Variants in COMMD10 observed in about 807,000 individuals in gnomAD.
The protein encoded by COMMD10 is COMM domain-containing protein 10.
In COMMD10, 33 loss-of-function variants were observed where a neutral mutation model predicts 28.9. That is an observed-to-expected ratio of 1.14 (90% CI 0.87 to 1.53). The LOEUF is 1.53. COMMD10 is among the 40% of genes most tolerant of loss of function. The probability of loss-of-function intolerance (pLI) is 0.00; values close to 1 mark genes in which losing one functional copy is unlikely to be tolerated. For synonymous variants in COMMD10, 110 were observed against 81.7 expected (o/e 1.35, Z -1.87); for missense variants, 310 against 233.4 (o/e 1.33, Z -2.14).
At chr5:116,216,931 T>G (rs1427688103) in intron 5 of COMMD10, among the ~76,000 whole-genome samples, 1 of 152,168 alleles carries the variant, frequency 6.6e-6, no homozygotes, top group Admixed American at 6.5e-5. Context: ...GTTATTACAC[T>G]GTATTTTTAG....
In COMMD10 at chr5:116,085,341, A is replaced by G. The variant is rs141521958; in HGVS notation, c.41+248A>G. On this transcript the variant is annotated intron_variant, in intron 1 of 6. Transcript: ENST00000274458. ...CGCCTGGCAGCTGAGGTCTGTACGG[A>G]AGCGTGTGGTCTGCAAGCGTGGGGT... 7.4e-4 allele frequency: 372 copies of G among 505,398 alleles called. 2 individuals carry two copies. The highest frequency in any genetic ancestry group is 6.8e-3 in the African/African-American group (337 of 49,392). The allele number at this position is 505,398 out of a possible 1,614,324, so 31.3% of individuals were successfully genotyped here. A position where few individuals can be genotyped will look rare whatever the true frequency, so the allele number is the denominator to read the frequency against.
At chr5:116,255,021 C>T (rs1270224643) in intron 5 of COMMD10, among the ~76,000 whole-genome samples, 1 of 151,562 alleles carries the variant, frequency 6.6e-6, no homozygotes, top group Non-Finnish European at 1.5e-5. Flanking sequence ...GTTAGCTCTT[C>T]TTGTTGAATT....
rs529555863 is a variant in COMMD10 at position 116,126,277 on chromosome 5, A to C, written c.400-7791A>C. ...CCACTGCTCAACGAAATGAAAGAGG[A>C]CACAAACAAATGGAAGAACATTCCA... is the stretch of plus-strand genomic sequence containing the variant. On this transcript the variant is annotated intron_variant, in intron 4 of 6. Transcript: ENST00000274458. Among the ~76,000 whole-genome samples, 5 of 152,340 alleles carry C rather than the reference A, an allele frequency of 3.3e-5. No homozygotes were observed. In the East Asian group the frequency reaches 9.6e-4, roughly 29 times the overall value.
At chr5:116,145,583 G>A (rs1321022702) in intron 5 of COMMD10, among the ~76,000 whole-genome samples, 1 of 151,704 alleles carries the variant, frequency 6.6e-6, no homozygotes, top group Non-Finnish European at 1.5e-5. Flanking sequence ...AAATATGCTG[G>A]AACCTAGCCA....
chr5:116,224,838 A>T (rs1419402128), intron 5 of COMMD10, among the ~76,000 whole-genome samples: 1 of 152,188 alleles, frequency 6.6e-6, no homozygotes, highest in Admixed American at 6.5e-5. Flanking sequence ...TTTTATTTTG[A>T]CTTTAAATGC....
chr5:116,167,998 G>A (rs1029577759), intron 5 of COMMD10, among the ~76,000 whole-genome samples: 11 of 151,842 alleles, frequency 7.2e-5, no homozygotes, highest in African/African-American at 2.7e-4. Flanking sequence ...AAACTTAAAT[G>A]TAAATGGACT....
intron 5 of COMMD10, among the ~76,000 whole-genome samples, chr5:116,164,827 T>A (rs1009285903): frequency 6.6e-6 from 1 of 152,152 alleles, no homozygotes; most frequent in Non-Finnish European, 1.5e-5. Context: ...AAATATGATA[T>A]TTTATGTACT....
intron 5 of COMMD10, among the ~76,000 whole-genome samples, chr5:116,259,407 T>C (rs955309243): frequency 4.0e-5 from 6 of 151,786 alleles, no homozygotes; most frequent in Non-Finnish European, 5.9e-5. Flanking sequence ...TGCTATCTTT[T>C]CAAATCTCAC....
At chr5:116,223,671 G>A (rs1223944589) in intron 5 of COMMD10, among the ~76,000 whole-genome samples, 1 of 152,148 alleles carries the variant, frequency 6.6e-6, no homozygotes, top group East Asian at 1.9e-4. Flanking sequence ...AAGGGGTTTG[G>A]AGAGAATGTT....
At chr5:116,218,197 A>G (rs1749154121) in intron 5 of COMMD10, 4 of 780,792 alleles carry the variant, frequency 5.1e-6, no homozygotes, top group South Asian at 2.7e-5. Context: ...GCTTTGGAGA[A>G]GCAGGTTTAG....
chr5:116,241,531 G>A (rs1350470165), intron 5 of COMMD10, among the ~76,000 whole-genome samples: 1 of 151,894 alleles, frequency 6.6e-6, no homozygotes, highest in Admixed American at 6.6e-5. Context: ...TAAAATACAA[G>A]CTGTCTAGTT....
At chr5:116,150,533 T>C (rs1752490403) in intron 5 of COMMD10, among the ~76,000 whole-genome samples, 1 of 145,112 alleles carries the variant, frequency 6.9e-6, no homozygotes, top group African/African-American at 2.7e-5. Context: ...TTTATTTCGT[T>C]GAGCAGTGGT....
chr5:116,093,667 C>G (rs966092078), intron 4 of COMMD10, among the ~76,000 whole-genome samples: 16 of 152,064 alleles, frequency 1.1e-4, no homozygotes, highest in Admixed American at 6.5e-5. Context: ...CTGTTAGAAA[C>G]AGAATAATCT....
rs61328599 is a variant in COMMD10, at chr5:116,241,583, C to CTTATTTATTTATTTAT, written c.511-49903_511-49888dup. 4.2e-3 allele frequency among the ~76,000 whole-genome samples: 584 copies of CTTATTTATTTATTTAT among 140,500 alleles called. 1 individual carries two copies. Among genetic ancestry groups the CTTATTTATTTATTTAT allele is most frequent in the Middle Eastern group, 0.018 (5 of 272 alleles). 92.2% of individuals were successfully genotyped at this position (140,500 alleles called of 152,430 possible). On this transcript the variant is annotated intron_variant, in intron 5 of 6. Coordinates refer to ENST00000274458, the MANE Select transcript of COMMD10 (RefSeq NM_016144.4). ...TCTCTATCCTCTTACACTCTGCTTT[C>CTTATTTATTTATTTAT]TTATTTATTTATTTATTTATTTATT...
chr5:116,140,249 G>GTGTGTGTGTGTA (rs1752157264), intron 5 of COMMD10, among the ~76,000 whole-genome samples: 6 of 151,622 alleles, frequency 4.0e-5, no homozygotes, highest in Admixed American at 2.6e-4. Context: ...GTGTGTGTGT[G>GTGTGTGTGTGTA]TGTGTGTATG....
chr5:116,269,131 G>C (rs1750686612), intron 5 of COMMD10, among the ~76,000 whole-genome samples: 1 of 151,142 alleles, frequency 6.6e-6, no homozygotes, highest in South Asian at 2.1e-4. Flanking sequence ...TGCTTAAACA[G>C]AAAAAAAATT....
intron 5 of COMMD10, among the ~76,000 whole-genome samples, chr5:116,280,411 C>T (rs1191129799): frequency 2.0e-5 from 3 of 151,936 alleles, no homozygotes; most frequent in Non-Finnish European, 2.9e-5. Flanking sequence ...AGATTGATTT[C>T]ATGGTTTGGA....
chr5:116,245,627 A>G (rs1391362568), intron 5 of COMMD10, among the ~76,000 whole-genome samples: 1 of 152,122 alleles, frequency 6.6e-6, no homozygotes, highest in Non-Finnish European at 1.5e-5. Flanking sequence ...CGGCACATCA[A>G]AAAGCTTACC....
At chr5:116,274,292 C>G (rs1750844057) in intron 5 of COMMD10, among the ~76,000 whole-genome samples, 1 of 151,862 alleles carries the variant, frequency 6.6e-6, no homozygotes, top group Non-Finnish European at 1.5e-5. Flanking sequence ...CATTTGTCTA[C>G]AATAGAGTTT....
Sources: gnomAD v4.1 joint callset for allele counts (sites outside exome capture counted in the v4.1 genomes callset) on GRCh38, gnomAD v4.1.1 for gene constraint, MANE v1.5 for transcripts, NCBI Gene and HGNC (gene_info 2026-07-23, HGNC 2026-07-21) for gene names.